Variants in AKAP19 observed in about 807,000 individuals in gnomAD.
The protein encoded by AKAP19 is small A-kinase anchoring protein.
the AKAP19 span, among the ~76,000 whole-genome samples, chr2:190,017,080 T>C: frequency 1.3e-5 from 2 of 152,194 alleles, no homozygotes; most frequent in African/African-American, 4.8e-5. Flanking sequence ...GTCTGTTTTA[T>C]CTGGTATAAG....
chr2:190,066,551 T>A, the AKAP19 span, among the ~76,000 whole-genome samples: 2 of 152,196 alleles, frequency 1.3e-5, no homozygotes, highest in Non-Finnish European at 2.9e-5. Context: ...TGCTGATTAT[T>A]CTTAGAGCCA....
chr2:190,179,694 T>G, the AKAP19 span, among the ~76,000 whole-genome samples: 1 of 152,238 alleles, frequency 6.6e-6, no homozygotes. This position sits in a 1 kb window ranked among gnomAD's most constrained non-coding sequence, Gnocchi z 6.0. Flanking sequence ...TACTATAATG[T>G]ACCTTCAAAG....
the AKAP19 span, among the ~76,000 whole-genome samples, chr2:190,000,154 C>A: frequency 6.6e-6 from 1 of 152,202 alleles, no homozygotes; most frequent in Non-Finnish European, 1.5e-5. Context: ...TAAATTATAA[C>A]TACCTTTTTA....
chr2:189,905,456 T>C, the AKAP19 span, among the ~76,000 whole-genome samples: 2 of 152,044 alleles, frequency 1.3e-5, no homozygotes, highest in Admixed American at 1.3e-4. Context: ...CACATTGAAG[T>C]CTGAATCTCA....
chr2:190,189,960 A>C, the AKAP19 span: 1 of 152,244 alleles, frequency 6.6e-6, no homozygotes, highest in African/African-American at 2.4e-5. Context: ...CCTCCAGCAC[A>C]GGGAGCTGGT....
the AKAP19 span, among the ~76,000 whole-genome samples, chr2:189,912,921 A>G: frequency 6.6e-6 from 1 of 152,214 alleles, no homozygotes; most frequent in Non-Finnish European, 1.5e-5. Flanking sequence ...CTGTTGTAAC[A>G]TAATAGCTTG....
the AKAP19 span, among the ~76,000 whole-genome samples, chr2:189,979,384 G>C: frequency 1.3e-5 from 2 of 152,144 alleles, no homozygotes; most frequent in African/African-American, 2.4e-5. Context: ...ATATGCAGAA[G>C]TATGAAACTT....
At chr2:190,126,285 A>G in the AKAP19 span, among the ~76,000 whole-genome samples, 4 of 117,366 alleles carry the variant, frequency 3.4e-5, no homozygotes, top group African/African-American at 1.1e-4. Context: ...GCGAGATTCC[A>G]TCTCAAAAAA....
At chr2:190,031,826 A>T in the AKAP19 span, among the ~76,000 whole-genome samples, 3 of 152,220 alleles carry the variant, frequency 2.0e-5, no homozygotes, top group Non-Finnish European at 2.9e-5. Context: ...ATGCTTAGTA[A>T]ATTGGACAAA....
At chr2:189,919,280 G>T in the AKAP19 span, among the ~76,000 whole-genome samples, 1 of 152,106 alleles carries the variant, frequency 6.6e-6, no homozygotes, top group Non-Finnish European at 1.5e-5. Context: ...TGGGTGTAGG[G>T]TTTCCTTTTG....
the AKAP19 span, among the ~76,000 whole-genome samples, chr2:190,187,122 T>C: frequency 8.5e-5 from 13 of 152,180 alleles, no homozygotes; most frequent in East Asian, 2.5e-3. Context: ...GGTATTTTTA[T>C]TAATCACATC....
At chr2:190,077,545 C>T in the AKAP19 span, among the ~76,000 whole-genome samples, 1 of 152,140 alleles carries the variant, frequency 6.6e-6, no homozygotes, top group Non-Finnish European at 1.5e-5. Context: ...CTCAAGCGGT[C>T]CACCTGCCTC....
chr2:190,094,951 G>A, the AKAP19 span, among the ~76,000 whole-genome samples: 3 of 152,240 alleles, frequency 2.0e-5, no homozygotes, highest in Non-Finnish European at 2.9e-5. Context: ...TAGGCCGGGC[G>A]CGGTGGCTCA....
chr2:190,182,035 TC>T, the AKAP19 span, among the ~76,000 whole-genome samples: 8 of 152,206 alleles, frequency 5.3e-5, no homozygotes, highest in Non-Finnish European at 1.2e-4. Flanking sequence ...CTTATTTAGG[TC>T]CACACAATGT....
chr2:190,075,497 T>C, the AKAP19 span, among the ~76,000 whole-genome samples: 1 of 152,222 alleles, frequency 6.6e-6, no homozygotes, highest in African/African-American at 2.4e-5. Flanking sequence ...TTTTTAAATG[T>C]ATTTTAAAGC....
chr2:190,038,158 G>T, the AKAP19 span, among the ~76,000 whole-genome samples: 2 of 152,194 alleles, frequency 1.3e-5, no homozygotes, highest in Non-Finnish European at 2.9e-5. Context: ...TCCTACAGGG[G>T]TAGCCACTGA....
At chr2:189,919,486 G>A in the AKAP19 span, among the ~76,000 whole-genome samples, 18 of 150,728 alleles carry the variant, frequency 1.2e-4, no homozygotes, top group African/African-American at 4.4e-4. Flanking sequence ...CATAGGTATA[G>A]GAGTGCCATG....
the AKAP19 span, among the ~76,000 whole-genome samples, chr2:189,935,585 G>T: frequency 2.0e-5 from 3 of 151,998 alleles, no homozygotes; most frequent in African/African-American, 7.2e-5. Context: ...TATAGGAGAT[G>T]ATTACAAACT....
chr2:190,146,271 A>G, the AKAP19 span, among the ~76,000 whole-genome samples: 5 of 152,212 alleles, frequency 3.3e-5, no homozygotes, highest in Non-Finnish European at 1.5e-5. Context: ...TTCACTTAGA[A>G]TAATAGTCTC....
Sources: allele counts gnomAD v4.1 joint callset (sites outside exome capture counted in the v4.1 genomes callset), GRCh38; gene constraint gnomAD v4.1.1; non-coding constraint Gnocchi (gnomAD v3.1); transcripts MANE v1.5; gene names NCBI Gene and HGNC (gene_info 2026-07-23, HGNC 2026-07-21).